The following SNX16 variants were observed in gnomAD, a reference collection of about 807,000 sequenced individuals.
SNX16 encodes sorting nexin-16.
In SNX16, 35 loss-of-function variants were observed where a neutral mutation model predicts 36.7. The ratio of observed to expected loss-of-function variants is 0.95; its 90% CI spans 0.73 to 1.27. The LOEUF is 1.27. Ranked by LOEUF, SNX16 falls within the 50% of genes most tolerant of loss-of-function variation. The pLI, the probability that SNX16 is intolerant of heterozygous loss-of-function variation, is 0.00. For missense variants in SNX16, 367 were observed against 393.6 expected (o/e 0.93, Z 0.57); for synonymous variants, 134 against 132.0 (o/e 1.02, Z -0.10).
rs1809626523 is a variant in SNX16 at position 81,800,245 on chromosome 8, A to C, written c.*1252T>G. ...TAGAAAGCATACCGACTGGGATTGC[A>C]AAATGCCAGCATGATTACAATGCTT... On this transcript the variant is annotated 3_prime_UTR_variant, in exon 8 of 8. Transcript: ENST00000345957. The C allele has an allele frequency of 6.6e-6, 1 of 151,916 alleles. No individual in the cohort carries two copies. The allele number at this position is 151,916 out of a possible 1,614,324, so 9.4% of individuals were successfully genotyped here. A position where few individuals can be genotyped will look rare whatever the true frequency, so the allele number is the denominator to read the frequency against.
At chr8:81,819,123 G>C (rs1221482404) in intron 4 of SNX16, among the ~76,000 whole-genome samples, 3 of 152,000 alleles carry the variant, frequency 2.0e-5, no homozygotes, top group Non-Finnish European at 4.4e-5. Flanking sequence ...ATCCCTTACA[G>C]ATAAATGATA....
chr8:81,808,056 T>C, intron 5 of SNX16: 1 of 994,906 alleles, frequency 1.0e-6, no homozygotes, highest in East Asian at 2.4e-5. Flanking sequence ...GGGAAGATTC[T>C]CAAAGACCAG....
chr8:81,826,539 C>G (rs551390885), intron 3 of SNX16, among the ~76,000 whole-genome samples: 2 of 152,172 alleles, frequency 1.3e-5, no homozygotes, highest in African/African-American at 4.8e-5. Flanking sequence ...TTTCTACAAT[C>G]AATGCATCTC....
At chr8:81,809,106 T>C (rs1810107515) in intron 5 of SNX16, among the ~76,000 whole-genome samples, 1 of 152,120 alleles carries the variant, frequency 6.6e-6, no homozygotes, top group South Asian at 2.1e-4. Flanking sequence ...TGAAGCCATC[T>C]TGGTAAATTT....
At chr8:81,807,606 C>T (rs1585978808) in intron 5 of SNX16, among the ~76,000 whole-genome samples, 1 of 144,974 alleles carries the variant, frequency 6.9e-6, no homozygotes, top group African/African-American at 2.5e-5. Flanking sequence ...AGAAGAATTA[C>T]TAATTAGTGC....
At chr8:81,824,241 CAAAT>C (rs1810914820) in intron 3 of SNX16, among the ~76,000 whole-genome samples, 1 of 152,100 alleles carries the variant, frequency 6.6e-6, no homozygotes, top group African/African-American at 2.4e-5. Flanking sequence ...TCTTTGCTGA[CAAAT>C]GAAGTTGAAT....
chr8:81,839,739 G>A lies in SNX16; in HGVS notation c.248C>T (p.Ser83Phe). The A allele has an allele frequency of 6.2e-7, 1 of 1,613,958 alleles. No homozygotes were observed. Among genetic ancestry groups the A allele is most frequent in the South Asian group, 1.1e-5 (1 of 91,076 alleles). ...TCTTGGTCTAGTAGAATACTCAATGGAAGAAGCTGTACCTGTAAATTTAGT... is the reference window on the plus strand; with the variant it reads ...TCTTGGTCTAGTAGAATACTCAATGAAAGAAGCTGTACCTGTAAATTTAGT... Reference protein sequence around the residue: ...IRTKFTGTASSIEYSTRPRDT... With the variant: ...IRTKFTGTASFIEYSTRPRDT... The change falls in exon 2 of 8, where the codon TCC becomes TTC. Residue 83 changes from serine (S) to phenylalanine (F), a missense_variant. Ser to Phe is a radical substitution (Grantham distance 155). Coordinates refer to ENST00000345957, the MANE Select transcript of SNX16 (RefSeq NM_152836.3).
intron 2 of SNX16, among the ~76,000 whole-genome samples, chr8:81,836,685 T>C (rs1431576584): frequency 6.6e-6 from 1 of 152,170 alleles, no homozygotes; most frequent in African/African-American, 2.4e-5. Flanking sequence ...CAGTCCACAC[T>C]ACCATCATGT....
chr8:81,808,311 C>A, intron 5 of SNX16: 3 of 1,208,874 alleles, frequency 2.5e-6, no homozygotes, highest in Non-Finnish European at 3.6e-6. Flanking sequence ...TTAGGAAGAC[C>A]TGTCAAAGCA....
At chr8:81,834,403 C>G (rs1010212602) in intron 2 of SNX16, among the ~76,000 whole-genome samples, 1 of 152,168 alleles carries the variant, frequency 6.6e-6, no homozygotes, top group Non-Finnish European at 1.5e-5. Flanking sequence ...CATGTCCTCA[C>G]ATTTCAAAAC....
intron 4 of SNX16, among the ~76,000 whole-genome samples, chr8:81,819,582 A>T (rs886455466): frequency 6.6e-6 from 1 of 151,974 alleles, no homozygotes; most frequent in African/African-American, 2.4e-5. Flanking sequence ...CTAACTATCC[A>T]TTATGATTTC....
rs1006684582 is a variant in SNX16, at chr8:81,799,944, T to C, written c.*1553A>G. 1.8e-4 allele frequency: 28 copies of C among 152,024 alleles called. No homozygotes were observed. Among genetic ancestry groups the C allele is most frequent in the African/African-American group, 4.8e-4 (20 of 41,550 alleles). The allele number at this position is 152,024 out of a possible 1,614,324, so 9.4% of individuals were successfully genotyped here. ...TTATATTCATTTCTGTCTCTAAGGA[T>C]AGCAAACATATTTCTGATACACATT... On this transcript the variant is annotated 3_prime_UTR_variant, in exon 8 of 8. Coordinates refer to ENST00000345957, the MANE Select transcript of SNX16 (RefSeq NM_152836.3).
intron 1 of SNX16, among the ~76,000 whole-genome samples, chr8:81,841,177 C>T (rs1425893242): frequency 6.6e-6 from 1 of 152,070 alleles, no homozygotes; most frequent in Non-Finnish European, 1.5e-5. Context: ...CCCGTCTCTA[C>T]TAAAAATACA....
chr8:81,841,019 C>A (rs1383431965), intron 1 of SNX16, among the ~76,000 whole-genome samples: 1 of 152,174 alleles, frequency 6.6e-6, no homozygotes, highest in Non-Finnish European at 1.5e-5. Flanking sequence ...AATGAGTCAC[C>A]TGGACTTGGA....
Position 81,800,296 on chromosome 8 carries a change from A to C in SNX16, c.*1201T>G, listed in dbSNP as rs1169752189. ...ATTAACAGCAATATGCAAAACAGTG[A>C]AAATAGAAAATAAATAACTTCATCC... On this transcript the variant is annotated 3_prime_UTR_variant, in exon 8 of 8. Coordinates refer to ENST00000345957, the MANE Select transcript of SNX16 (RefSeq NM_152836.3). The C allele has an allele frequency of 6.6e-6, 1 of 151,924 alleles. No individual in the cohort carries two copies. Among genetic ancestry groups the C allele is most frequent in the Non-Finnish European group, 1.5e-5 (1 of 67,772 alleles). 9.4% of individuals were successfully genotyped at this position (151,924 alleles called of 1,614,324 possible).
intron 2 of SNX16, among the ~76,000 whole-genome samples, chr8:81,830,949 A>G (rs897315976): frequency 3.3e-5 from 5 of 152,242 alleles, no homozygotes; most frequent in Admixed American, 3.3e-4. Context: ...TAGAGAACCC[A>G]GAAATAAAAC....
intron 6 of SNX16, 37 bp from the exon 7 acceptor site, chr8:81,802,536 A>T (rs1196625244): frequency 6.4e-7 from 1 of 1,571,682 alleles, no homozygotes; most frequent in Non-Finnish European, 8.7e-7. Context: ...ATTTTCTATG[A>T]ACAAAACAGG....
intron 5 of SNX16, among the ~76,000 whole-genome samples, chr8:81,809,237 T>C (rs994687719): frequency 2.0e-5 from 3 of 152,118 alleles, no homozygotes; most frequent in African/African-American, 4.8e-5. Flanking sequence ...GTTGAACTGA[T>C]AGTTACTGTT....
intron 4 of SNX16, among the ~76,000 whole-genome samples, chr8:81,817,171 T>C (rs1810532055): frequency 6.6e-6 from 1 of 152,208 alleles, no homozygotes; most frequent in Admixed American, 6.5e-5. Flanking sequence ...AAGGGTCCTG[T>C]TTAATACTTT....
Sources: allele counts gnomAD v4.1 joint callset (sites outside exome capture counted in the v4.1 genomes callset), GRCh38; gene constraint gnomAD v4.1.1; transcripts MANE v1.5; gene names NCBI Gene and HGNC (gene_info 2026-07-23, HGNC 2026-07-21).